The following SLC1A2 variants were observed in gnomAD, a reference collection of about 807,000 sequenced individuals.
SLC1A2 encodes the protein excitatory amino acid transporter 2.
A neutral mutation model predicts 48.8 loss-of-function variants in SLC1A2; 15 were observed. The observed-to-expected ratio is 0.31, with a 90% CI of 0.21 to 0.47. SLC1A2 has a LOEUF of 0.47. SLC1A2 is among the 20% of genes least tolerant of loss of function. The pLI is 0.99. For missense variants in SLC1A2, 502 were observed against 730.5 expected, an observed-to-expected ratio of 0.69 and a Z score of 3.61; for synonymous variants, 279 against 272.6, an observed-to-expected ratio of 1.02 and a Z score of -0.23.
chr11:35,388,661 C>G (rs1854658379), intron 1 of SLC1A2, among the ~76,000 whole-genome samples: 1 of 152,204 alleles, frequency 6.6e-6, no homozygotes, highest in Admixed American at 6.5e-5. Flanking sequence ...TCCCAAAGTG[C>G]TGGGATTACA....
At chr11:35,276,042 T>G (rs1045278755) in intron 9 of SLC1A2, among the ~76,000 whole-genome samples, 1 of 152,110 alleles carries the variant, frequency 6.6e-6, no homozygotes, top group Non-Finnish European at 1.5e-5. Context: ...CTACCCTTCC[T>G]TTTTCTTTTC....
chr11:35,379,605 G>A (rs916479288), intron 1 of SLC1A2, among the ~76,000 whole-genome samples: 4 of 152,228 alleles, frequency 2.6e-5, no homozygotes, highest in African/African-American at 9.6e-5. Flanking sequence ...GAGAGGAAGA[G>A]AGACATTTGA....
rs531795466 is a variant in SLC1A2 at position 35,300,300 on chromosome 11, T to A, written c.857+1219A>T. On this transcript the variant is annotated intron_variant, in intron 6 of 10. Coordinates refer to ENST00000278379, the MANE Select transcript of SLC1A2 (RefSeq NM_004171.4). ...TATTAGGTTGGTGCAAAAGTAACTG[T>A]GGTTTTTCCCATTGAAAGTAATGGC... 3.3e-5 allele frequency among the ~76,000 whole-genome samples: 5 copies of A among 152,350 alleles called. No homozygotes were observed. The South Asian group carries it at 1.0e-3, about 32-fold the overall frequency.
chr11:35,399,403 T>C (rs186167245), intron 1 of SLC1A2, among the ~76,000 whole-genome samples: 1 of 152,344 alleles, frequency 6.6e-6, no homozygotes, highest in Admixed American at 6.5e-5. Flanking sequence ...TTTTCCCTGA[T>C]TGATTTCTCT....
At chr11:35,405,418 ATTT>A (rs60103066) in intron 1 of SLC1A2, among the ~76,000 whole-genome samples, 15 of 146,244 alleles carry the variant, frequency 1.0e-4, no homozygotes, top group Middle Eastern at 3.6e-3. Context: ...CAAGCCCTGG[ATTT>A]TTTTTTTTTT....
intron 7 of SLC1A2, chr11:35,291,276 T>C (rs1850996009): frequency 6.6e-6 from 1 of 151,628 alleles, no homozygotes; most frequent in African/African-American, 2.4e-5. Flanking sequence ...TTCTTTTTTT[T>C]TTTCAGATGG....
chr11:35,417,224 C>T (rs1855636381), intron 1 of SLC1A2, among the ~76,000 whole-genome samples: 1 of 152,176 alleles, frequency 6.6e-6, no homozygotes. Context: ...TTCTAAAATG[C>T]CGAAAATCAC....
intron 7 of SLC1A2, chr11:35,292,030 G>A (rs1295783167): frequency 1.1e-5 from 5 of 452,126 alleles, no homozygotes; most frequent in African/African-American, 9.8e-5. Context: ...CAAACAAATA[G>A]CATGCATTTA....
intron 1 of SLC1A2, 52 bp from the exon 2 acceptor site, chr11:35,317,568 A>G (rs1851925147): frequency 6.4e-7 from 1 of 1,569,942 alleles, no homozygotes; most frequent in Non-Finnish European, 8.7e-7. Flanking sequence ...TCCCCTATAC[A>G]GTTTCAGGGG....
chr11:35,305,858 G>C (rs1851484444), intron 5 of SLC1A2, among the ~76,000 whole-genome samples: 1 of 152,134 alleles, frequency 6.6e-6, no homozygotes, highest in Admixed American at 6.5e-5. Context: ...CCCATACCCA[G>C]CTTCTTGCTG....
At chr11:35,262,447 C>T (rs529377253) in intron 10 of SLC1A2, among the ~76,000 whole-genome samples, 5 of 152,328 alleles carry the variant, frequency 3.3e-5, no homozygotes, top group African/African-American at 1.2e-4. Flanking sequence ...CATTCCCCAA[C>T]CTGTCCCACT....
chr11:35,261,735 G>A, intron 10 of SLC1A2: 1 of 398,492 alleles, frequency 2.5e-6, no homozygotes, highest in Non-Finnish European at 4.4e-6. Flanking sequence ...CCACATAATG[G>A]AGAGACTGGA....
At chr11:35,297,489 G>A (rs532318181) in intron 6 of SLC1A2, among the ~76,000 whole-genome samples, 3 of 152,274 alleles carry the variant, frequency 2.0e-5, no homozygotes, top group Admixed American at 2.0e-4. Flanking sequence ...GTTTTAACAC[G>A]TGTCATTGAA....
chr11:35,255,259 T>G lies in SLC1A2; in HGVS notation c.*5635A>C, dbSNP rs1950298340. 1 of 166,672 alleles carries G rather than the reference T, an allele frequency of 6.0e-6. No individual in the cohort carries two copies. Among genetic ancestry groups the G allele is most frequent in the South Asian group, 1.5e-4 (1 of 6,570 alleles). 10.3% of individuals were successfully genotyped at this position (166,672 alleles called of 1,614,324 possible). ...CAGTGCCAGAAAGTGCAAGAGGTTG[T>G]TTAAAGATCATGGCTGGTGACATGG... On this transcript the variant is annotated 3_prime_UTR_variant, in exon 11 of 11. Coordinates refer to ENST00000278379, the MANE Select transcript of SLC1A2 (RefSeq NM_004171.4).
chr11:35,376,333 G>A (rs553922104), intron 1 of SLC1A2, among the ~76,000 whole-genome samples: 2 of 152,268 alleles, frequency 1.3e-5, no homozygotes, highest in Admixed American at 6.5e-5. Context: ...CTAGAACAGA[G>A]AGAGAACATT....
rs7114489 is a variant in SLC1A2, at chr11:35,357,861, G to A, written c.18-40345C>T. On this transcript the variant is annotated intron_variant, in intron 1 of 10. Transcript: ENST00000278379. ...GTTCTTTTTCTTTAAAAAAAGGGGG[G>A]AAAGGCAGTGTGCCATGGCTCATGC... 1.3e-3 allele frequency among the ~76,000 whole-genome samples: 193 copies of A among 152,128 alleles called. 1 individual carries two copies. Among genetic ancestry groups the A allele is most frequent in the African/African-American group, 4.6e-3 (192 of 41,494 alleles).
At chr11:35,365,402 C>T (rs1354039488) in intron 1 of SLC1A2, among the ~76,000 whole-genome samples, 1 of 152,168 alleles carries the variant, frequency 6.6e-6, no homozygotes, top group African/African-American at 2.4e-5. Context: ...CTCAGTGTAG[C>T]ATTCCCAAGT....
rs547368921 is a variant in SLC1A2 at position 35,264,622 on chromosome 11, T to C, written c.1653+905A>G. 2.4e-4 allele frequency among the ~76,000 whole-genome samples: 36 copies of C among 152,334 alleles called. 2 individuals are homozygous for C. In the South Asian group the frequency reaches 6.2e-3, roughly 26 times the overall value. The stretch of plus-strand genomic sequence containing the variant: ...CTTGGAGGAGAGCCCAGAACATCCA[T>C]GCTGCAGAAAGATGGCACAGCCAGG... On this transcript the variant is annotated intron_variant, in intron 10 of 10. Transcript: ENST00000278379.
intron 1 of SLC1A2, among the ~76,000 whole-genome samples, chr11:35,365,386 A>G (rs868076205): frequency 6.6e-6 from 1 of 152,286 alleles, no homozygotes; most frequent in South Asian, 2.1e-4. Context: ...CATTTCCAGC[A>G]TCAGTCTCAG....
Sources: allele counts gnomAD v4.1 joint callset (sites outside exome capture counted in the v4.1 genomes callset), GRCh38; gene constraint gnomAD v4.1.1; transcripts MANE v1.5; gene names NCBI Gene and HGNC (gene_info 2026-07-23, HGNC 2026-07-21).